Variants in NDFIP2 observed in about 807,000 individuals in gnomAD.
The protein encoded by NDFIP2 is Nedd4 family interacting protein 2, also known as NEDD4 family-interacting protein 2.
A neutral mutation model predicts 36.0 loss-of-function variants in NDFIP2; 19 were observed. That is an observed-to-expected ratio of 0.53 (90% CI 0.37 to 0.77). The LOEUF (loss-of-function observed/expected upper bound fraction) is 0.77. NDFIP2 is among the 30% of genes least tolerant of loss of function. The pLI, the probability that NDFIP2 is intolerant of heterozygous loss-of-function variation, is 0.00. For synonymous variants in NDFIP2, 181 were observed against 167.7 expected (o/e 1.08, Z -0.61); for missense variants, 446 against 435.8 (o/e 1.02, Z -0.21).
chr13:79,488,872 G>A (rs574124929), intron 1 of NDFIP2, among the ~76,000 whole-genome samples: 2 of 152,246 alleles, frequency 1.3e-5, no homozygotes, highest in African/African-American at 2.4e-5. Context: ...TTATGAAATA[G>A]CAATAATAGA....
intron 1 of NDFIP2, among the ~76,000 whole-genome samples, chr13:79,488,721 A>T (rs1042874989): frequency 6.6e-6 from 1 of 152,198 alleles, no homozygotes; most frequent in African/African-American, 2.4e-5. Context: ...GGTGTTGGTT[A>T]ATAAGACAGT....
intron 5 of NDFIP2, among the ~76,000 whole-genome samples, chr13:79,546,811 CT>C (rs1209843973): frequency 1.3e-5 from 2 of 152,010 alleles, no homozygotes; most frequent in Non-Finnish European, 2.9e-5. Flanking sequence ...AATGTATTGC[CT>C]TTGTTCTTTA....
chr13:79,500,412 TCA>T (rs1367106181), intron 1 of NDFIP2, among the ~76,000 whole-genome samples: 3 of 151,766 alleles, frequency 2.0e-5, no homozygotes, highest in Non-Finnish European at 2.9e-5. Flanking sequence ...AAATAAAAAG[TCA>T]CAGCCTGGGA....
At chr13:79,515,190 C>T (rs1418345963) in intron 1 of NDFIP2, among the ~76,000 whole-genome samples, 1 of 152,136 alleles carries the variant, frequency 6.6e-6, no homozygotes, top group African/African-American at 2.4e-5. Context: ...TATATATAAA[C>T]ATAGAACAAG....
chr13:79,481,174 C>T lies in NDFIP2; in HGVS notation c.-30C>T. The T allele has an allele frequency of 6.8e-7, 1 of 1,462,034 alleles. No homozygotes were observed. Among genetic ancestry groups the T allele is most frequent in the South Asian group, 1.4e-5 (1 of 72,112 alleles). The allele number at this position is 1,462,034 out of a possible 1,614,324, so 90.6% of individuals were successfully genotyped here. On this transcript the variant is annotated 5_prime_UTR_variant, in exon 1 of 8. Transcript: ENST00000218652. Reference sequence around the variant, plus strand: ...TGCCTTACTTTTCCATCTCCTCCCACCCAGCTATACCCTCCCACTGGCGGC... The same window carrying T: ...TGCCTTACTTTTCCATCTCCTCCCATCCAGCTATACCCTCCCACTGGCGGC...
intron 5 of NDFIP2, among the ~76,000 whole-genome samples, chr13:79,546,698 G>A (rs1471227383): frequency 1.3e-5 from 2 of 152,120 alleles, no homozygotes; most frequent in African/African-American, 2.4e-5. Flanking sequence ...TTTTTCACTA[G>A]GGAGTAAATA....
intron 1 of NDFIP2, among the ~76,000 whole-genome samples, chr13:79,482,201 G>C (rs1274848903): frequency 1.0e-5 from 1 of 99,684 alleles, no homozygotes; most frequent in Admixed American, 1.2e-4. Context: ...TTTTTGGTTA[G>C]AGGGGAAACA....
intron 1 of NDFIP2, among the ~76,000 whole-genome samples, chr13:79,513,890 T>C (rs903812924): frequency 5.3e-5 from 8 of 152,190 alleles, no homozygotes; most frequent in Admixed American, 5.2e-4. Context: ...TTTGTTGATA[T>C]TTTGTAAGAT....
At chr13:79,524,055 C>T (rs1874694107) in intron 2 of NDFIP2, among the ~76,000 whole-genome samples, 2 of 152,188 alleles carry the variant, frequency 1.3e-5, no homozygotes, top group South Asian at 4.1e-4. Context: ...CATTTAATGT[C>T]CGTGCCATTT....
intron 1 of NDFIP2, among the ~76,000 whole-genome samples, chr13:79,506,174 T>C (rs909591507): frequency 4.6e-5 from 7 of 152,250 alleles, no homozygotes; most frequent in Non-Finnish European, 8.8e-5. Flanking sequence ...CTAGGGAACT[T>C]GGAAAAAATA....
At position 79,554,599 on chromosome 13, in the gene NDFIP2, AATGG is replaced by A. The variant is rs1876036829; in HGVS notation, c.*2087_*2090del. On this transcript the variant is annotated 3_prime_UTR_variant, in exon 8 of 8. Transcript: ENST00000218652. ...GAATCCTCTATAATTGGCATAATTCAATGGTAGCCTTAAATCTCATCATGTAAGC... is the reference window on the plus strand; with the variant it reads ...GAATCCTCTATAATTGGCATAATTCATAGCCTTAAATCTCATCATGTAAGC... The A allele has an allele frequency of 6.6e-6, 1 of 151,898 alleles. No homozygotes were observed. The highest frequency in any genetic ancestry group is 1.5e-5 in the Non-Finnish European group (1 of 67,830). The allele number at this position is 151,898 out of a possible 1,614,324, so 9.4% of individuals were successfully genotyped here.
intron 1 of NDFIP2, among the ~76,000 whole-genome samples, chr13:79,485,891 TC>T (rs1396849811): frequency 2.6e-5 from 4 of 152,140 alleles, no homozygotes; most frequent in Non-Finnish European, 5.9e-5. Flanking sequence ...TCTGTTACTT[TC>T]TTCCTCATTT....
At position 79,492,435 on chromosome 13, in the gene NDFIP2, G is replaced by A. The variant is rs192015693; in HGVS notation, c.321+10911G>A. On this transcript the variant is annotated intron_variant, in intron 1 of 7. Coordinates refer to ENST00000218652, the MANE Select transcript of NDFIP2 (RefSeq NM_019080.3). ...TTTGTTTTTTTTGAGGCAGAGTCTC[G>A]CTGTGTCACCCAGGCTGGAGTGCAG... Among the ~76,000 whole-genome samples, 251 of 151,944 alleles carry A rather than the reference G, an allele frequency of 1.7e-3. 2 individuals carry two copies. Among genetic ancestry groups the A allele is most frequent in the African/African-American group, 5.8e-3 (239 of 41,452 alleles).
chr13:79,533,217 C>A, intron 2 of NDFIP2, 106 bp from the exon 3 acceptor site: 1 of 867,376 alleles, frequency 1.2e-6, no homozygotes, highest in Non-Finnish European at 1.7e-6. Context: ...CCTATAATAG[C>A]AATAGTAGTC....
intron 1 of NDFIP2, among the ~76,000 whole-genome samples, chr13:79,512,549 G>C (rs555876119): frequency 6.6e-6 from 1 of 152,320 alleles, no homozygotes; most frequent in South Asian, 2.1e-4. Flanking sequence ...ACTCTTAAGG[G>C]ATCAGAGGGC....
Position 79,554,476 on chromosome 13 carries a change from G to C in NDFIP2, c.*1963G>C, listed in dbSNP as rs532487836. 3.4e-4 allele frequency: 51 copies of C among 151,770 alleles called. 1 individual carries two copies. Among genetic ancestry groups the C allele is most frequent in the African/African-American group, 1.1e-3 (47 of 41,484 alleles). The allele number at this position is 151,770 out of a possible 1,614,324, so 9.4% of individuals were successfully genotyped here. A position where few individuals can be genotyped will look rare whatever the true frequency, so the allele number is the denominator to read the frequency against. ...TTTATGGTATATGTGCTTGTTTTCTGAATATGGATACATGTTACTTTTGAT... is the reference window on the plus strand; with the variant it reads ...TTTATGGTATATGTGCTTGTTTTCTCAATATGGATACATGTTACTTTTGAT... On this transcript the variant is annotated 3_prime_UTR_variant, in exon 8 of 8. Coordinates refer to ENST00000218652, the MANE Select transcript of NDFIP2 (RefSeq NM_019080.3).
intron 7 of NDFIP2, 47 bp downstream of exon 7, chr13:79,551,169 C>T: frequency 8.3e-7 from 1 of 1,200,356 alleles, no homozygotes; most frequent in Non-Finnish European, 1.2e-6. Flanking sequence ...TTTATGTATT[C>T]AAATTTGCCA....
At chr13:79,529,975 A>G (rs1874948789) in intron 2 of NDFIP2, among the ~76,000 whole-genome samples, 1 of 152,218 alleles carries the variant, frequency 6.6e-6, no homozygotes, top group Non-Finnish European at 1.5e-5. Flanking sequence ...CAGTAGCATT[A>G]TGTTTAAAAA....
intron 1 of NDFIP2, among the ~76,000 whole-genome samples, chr13:79,481,902 T>C (rs1237582284): frequency 1.3e-5 from 2 of 152,140 alleles, no homozygotes; most frequent in African/African-American, 4.8e-5. Context: ...GAAATGGGGC[T>C]GACTTCACAT....
Sources: gnomAD v4.1 joint callset for allele counts (sites outside exome capture counted in the v4.1 genomes callset) on GRCh38, gnomAD v4.1.1 for gene constraint, MANE v1.5 for transcripts, NCBI Gene and HGNC (gene_info 2026-07-23, HGNC 2026-07-21) for gene names.